MUC4: variants seen among roughly 807,000 people sequenced by gnomAD.
The protein encoded by MUC4 is mucin 4, cell surface associated.
Under a neutral mutation model 257.9 loss-of-function variants are expected in MUC4, and 202 were observed. The ratio of observed to expected loss-of-function variants is 0.78; its 90% CI spans 0.70 to 0.88. The LOEUF is 0.88. MUC4 is among the 40% of genes least tolerant of loss of function. MUC4 has a pLI of 0.00. For missense variants in MUC4, 5,976 were observed against 6,513.7 expected, an observed-to-expected ratio of 0.92 and a Z score of 2.84; for synonymous variants, 2,351 against 2,757.1, an observed-to-expected ratio of 0.85 and a Z score of 4.62.
chr3:195,797,432 T>C (rs1734708398), intron 1 of MUC4, among the ~76,000 whole-genome samples: 1 of 152,188 alleles, frequency 6.6e-6, no homozygotes, highest in African/African-American at 2.4e-5. Flanking sequence ...AGTTATTTGA[T>C]AAAAGTCAAC....
Position 195,787,436 on chromosome 3 carries a change from G to A in MUC4, c.4144C>T (p.Leu1382Phe). ...GQATPLPVTS[L>F]SSVSTGDTTP... is the part of the protein sequence containing the mutation. ...GTGTCACCTGTGGATACTGAGGAAA[G>A]GCTGGTGACAGGAAGAGGGGTGGCC... is the stretch of plus-strand genomic sequence containing the variant. The change falls in exon 2 of 25, where the codon CTT (leucine) becomes TTT (phenylalanine). Residue 1382 changes from leucine (L) to phenylalanine (F), a missense_variant. Transcript: ENST00000463781. 1 of 669,930 alleles carries A rather than the reference G, an allele frequency of 1.5e-6. No individual in the cohort carries two copies. The highest frequency in any genetic ancestry group is 1.7e-5 in the South Asian group (1 of 59,454). The allele number at this position is 669,930 out of a possible 1,614,324, so 41.5% of individuals were successfully genotyped here.
chr3:195,778,493 A>C (rs755593537), intron 2 of MUC4, 38 bp from the exon 3 acceptor site: 1 of 1,604,332 alleles, frequency 6.2e-7, no homozygotes, highest in Middle Eastern at 1.7e-4. Context: ...TGTTTCTTAC[A>C]GTAACAAAAC....
Position 195,810,299 on chromosome 3 carries a change from A to C in MUC4, c.82+1437T>G, listed in dbSNP as rs1253800868. On this transcript the variant is annotated intron_variant, in intron 1 of 24. Coordinates refer to ENST00000463781, the MANE Select transcript of MUC4 (RefSeq NM_018406.7). The surrounding 1 kb of genome is among the most constrained non-coding windows in gnomAD (Gnocchi z 4.2). ...AAGCTCCTCAAATATGCGCCCAAGA[A>C]ATATTTTCCCTCGGCGACTGTTCTT... The C allele has an allele frequency of 6.6e-6, 1 of 152,210 alleles. No individual in the cohort carries two copies. The highest frequency in any genetic ancestry group is 2.4e-5 in the African/African-American group (1 of 41,408). 9.4% of individuals were successfully genotyped at this position (152,210 alleles called of 1,614,324 possible). A position where few individuals can be genotyped will look rare whatever the true frequency, so the allele number is the denominator to read the frequency against.
intron 8 of MUC4, 90 bp from the exon 9 acceptor site, chr3:195,765,539 G>T: frequency 7.7e-7 from 1 of 1,290,938 alleles, no homozygotes; most frequent in Non-Finnish European, 1.1e-6. Context: ...ACTCACAAAT[G>T]CACCCCCTCC....
At chr3:195,762,320 C>A in intron 13 of MUC4, 66 bp from the exon 14 acceptor site, 1 of 1,474,432 alleles carries the variant, frequency 6.8e-7, no homozygotes, top group Non-Finnish European at 9.1e-7. Context: ...AAACCCGCGC[C>A]CTGCCGGGCC....
chr3:195,775,467 CAGTCAT>C (rs1724256095), intron 3 of MUC4, among the ~76,000 whole-genome samples: 3 of 115,956 alleles, frequency 2.6e-5, no homozygotes, highest in African/African-American at 6.2e-5. Flanking sequence ...ATACCTTCCA[CAGTCAT>C]ACCTTCCACA....
At chr3:195,747,527 C>CT in intron 24 of MUC4, 147 bp from the exon 25 acceptor site, 1 of 1,008,400 alleles carries the variant, frequency 9.9e-7, no homozygotes, top group Non-Finnish European at 1.4e-6. Flanking sequence ...TGAGGCCGTG[C>CT]TGAAGTGAGA....
In MUC4 at chr3:195,790,296, T is replaced by C. The variant is rs1443697877; in HGVS notation, c.1284A>G (p.Ile428Met). The C allele has an allele frequency of 8.1e-6, 13 of 1,613,928 alleles. No individual in the cohort carries two copies. In the East Asian group the frequency reaches 1.1e-4, roughly 14 times the overall value. The change falls in exon 2 of 25, where the codon ATA becomes ATG. Residue 428 changes from isoleucine (I) to methionine (M), a missense_variant. Around this residue, in one of 44 missense-constraint regions of MUC4, gnomAD observed 1,583 missense variants for 1,257.4 expected, o/e 1.26. Coordinates refer to ENST00000463781, the MANE Select transcript of MUC4 (RefSeq NM_018406.7). Reference sequence around the variant, plus strand: ...CTGTTGACAGAGTGTCTGACCACCATATGGTTGAAACTTTGGAAGTGATTG... The same window carrying C: ...CTGTTGACAGAGTGTCTGACCACCACATGGTTGAAACTTTGGAAGTGATTG... ...ISAITSKVST[I>M]WWSDTLSTAL...
Position 195,779,392 on chromosome 3 carries a change from G to C in MUC4, c.12188C>G (p.Thr4063Ser), listed in dbSNP as rs549946968. 701 of 1,234,820 alleles carry C rather than the reference G, an allele frequency of 5.7e-4. 218 individuals are homozygous for C. The highest frequency in any genetic ancestry group is 2.9e-3 in the South Asian group (215 of 73,410). 76.5% of individuals were successfully genotyped at this position (1,234,820 alleles called of 1,614,324 possible). Residue 4063 changes from threonine to serine, a missense_variant, in exon 2 of 25, where the codon ACC (threonine) becomes AGC (serine). Physicochemically the swap from Thr to Ser is moderately conservative, Grantham distance 58. Coordinates refer to ENST00000463781, the MANE Select transcript of MUC4 (RefSeq NM_018406.7). ...NASSLSTGHA[T>S]PLHVTSPSSA... Reference sequence around the variant, plus strand: ...GGAAGGGCTGGTGACATGAAGAGGGGTGGCGTGACCTGTGGATAATGAGGA... The same window carrying C: ...GGAAGGGCTGGTGACATGAAGAGGGCTGGCGTGACCTGTGGATAATGAGGA...
chr3:195,755,080 G>C lies in MUC4; in HGVS notation c.15169-708C>G, dbSNP rs1358613893. Among the ~76,000 whole-genome samples, 4 of 151,828 alleles carry C rather than the reference G, an allele frequency of 2.6e-5. No homozygotes were observed. The highest frequency in any genetic ancestry group is 5.9e-5 in the Non-Finnish European group (4 of 67,940). On this transcript the variant is annotated intron_variant, in intron 18 of 24. Coordinates refer to ENST00000463781, the MANE Select transcript of MUC4 (RefSeq NM_018406.7). This position sits in a 1 kb window ranked among gnomAD's most constrained non-coding sequence, Gnocchi z 5.0. ...TGCCCAGGCTGGAGTGCAATGTCTT[G>C]ATCTTGGCTCACTGCAAACTCCACC... is the stretch of plus-strand genomic sequence containing the variant.
In MUC4 at chr3:195,790,004, C is replaced by T; in HGVS notation, c.1576G>A (p.Ala526Thr). The T allele has an allele frequency of 6.2e-7, 1 of 1,613,992 alleles. No individual in the cohort carries two copies. Among genetic ancestry groups the T allele is most frequent in the Middle Eastern group, 1.6e-4 (1 of 6,062 alleles). ...LVTGNPSTGT[A>T]GTIPRVPSKV... ...GAGGGGACCCTTGGAATAGTGCCAG[C>T]TGTCCCTGTAGATGGATTTCCTGTG... Residue 526 changes from alanine to threonine, a missense_variant, in exon 2 of 25, where the codon GCT becomes ACT. By Grantham distance (58) the Ala-to-Thr change is moderately conservative. Transcript: ENST00000463781.
intron 3 of MUC4, among the ~76,000 whole-genome samples, chr3:195,776,402 A>T (rs866037615): frequency 3.2e-4 from 24 of 74,820 alleles, no homozygotes; most frequent in African/African-American, 1.0e-3. Context: ...TTCCACACCC[A>T]TACCTTCCAC....
intron 1 of MUC4, among the ~76,000 whole-genome samples, chr3:195,801,945 C>G (rs2149069094): frequency 6.6e-6 from 1 of 152,218 alleles, no homozygotes; most frequent in Middle Eastern, 3.4e-3. Flanking sequence ...CCACCTCTCT[C>G]CCCCGCTCCA....
chr3:195,779,542 T>A lies in MUC4; in HGVS notation c.12038A>T (p.His4013Leu). 1.6e-6 allele frequency: 2 copies of A among 1,235,348 alleles called. No individual in the cohort carries two copies. Among genetic ancestry groups the A allele is most frequent in the Non-Finnish European group, 2.2e-6 (2 of 906,976 alleles). 76.5% of individuals were successfully genotyped at this position (1,235,348 alleles called of 1,614,324 possible). ...GCTGGTGACAGGAAGAGGGGTGGCGTGACCTGTAGATACTGAGGAAGTGCT... is the reference window on the plus strand; with the variant it reads ...GCTGGTGACAGGAAGAGGGGTGGCGAGACCTGTAGATACTGAGGAAGTGCT... ...VTSTSSVSTG[H>L]ATPLPVTSPS... Residue 4013 changes from histidine to leucine, a missense_variant, in exon 2 of 25, where the codon CAC becomes CTC. Coordinates refer to ENST00000463781, the MANE Select transcript of MUC4 (RefSeq NM_018406.7).
chr3:195,778,691 C>G (rs1383786939), intron 2 of MUC4, 99 bp downstream of exon 2: 1 of 1,388,220 alleles, frequency 7.2e-7, no homozygotes, highest in Non-Finnish European at 9.8e-7. Flanking sequence ...ACGGCCCCAC[C>G]AGGTAATGCG....
rs1011358266 is a variant in MUC4 at position 195,811,920 on chromosome 3, A to C, written c.-103T>G. On this transcript the variant is annotated 5_prime_UTR_variant, in exon 1 of 25. Coordinates refer to ENST00000463781, the MANE Select transcript of MUC4 (RefSeq NM_018406.7). ...CCCGTCCCCTCAGGCGGCTGGCCCG[A>C]ACCAAGTGCGTTTCTCCGAAGGGGC... The C allele has an allele frequency of 8.5e-7, 1 of 1,171,090 alleles. No individual in the cohort carries two copies. The highest frequency in any genetic ancestry group is 1.5e-5 in the African/African-American group (1 of 65,662). 72.5% of individuals were successfully genotyped at this position (1,171,090 alleles called of 1,614,324 possible). A position where few individuals can be genotyped will look rare whatever the true frequency, so the allele number is the denominator to read the frequency against.
At chr3:195,767,907 TCACCATCG>T (rs1721867018) in intron 7 of MUC4, among the ~76,000 whole-genome samples, 1 of 63,258 alleles carries the variant, frequency 1.6e-5, no homozygotes, top group African/African-American at 7.1e-5. Context: ...ATCACCACCA[TCACCATCG>T]CCACTGCCAC....
intron 1 of MUC4, among the ~76,000 whole-genome samples, chr3:195,799,286 C>T (rs998761977): frequency 1.1e-4 from 15 of 138,898 alleles, no homozygotes; most frequent in African/African-American, 3.9e-4. Context: ...TGTCCCTGCC[C>T]TTATGGAACA....
intron 24 of MUC4, 46 bp from the exon 25 acceptor site, chr3:195,747,426 G>T (rs1333583494): frequency 6.3e-7 from 1 of 1,585,024 alleles, no homozygotes; most frequent in African/African-American, 1.3e-5. Context: ...CGGGAGCTCA[G>T]CCTCCCAGCC....
Sources: allele counts gnomAD v4.1 joint callset (sites outside exome capture counted in the v4.1 genomes callset), GRCh38; gene constraint gnomAD v4.1.1; regional missense constraint gnomAD v4.1.1; non-coding constraint Gnocchi (gnomAD v3.1); transcripts MANE v1.5; gene names NCBI Gene and HGNC (gene_info 2026-07-23, HGNC 2026-07-21).